The following TPRG1 variants were observed in gnomAD, a reference collection of about 807,000 sequenced individuals.
TPRG1 encodes the protein tumor protein p63-regulated gene 1 protein.
Under a neutral mutation model 29.3 loss-of-function variants are expected in TPRG1, and 29 were observed. The observed-to-expected ratio is 0.99, with a 90% CI of 0.74 to 1.35. The LOEUF is 1.35. Among genes scored for constraint, TPRG1 ranks in the 40% most tolerant of loss-of-function variants. TPRG1 has a pLI of 0.00. For missense variants in TPRG1, 327 were observed against 335.0 expected, an observed-to-expected ratio of 0.98 and a Z score of 0.19; for synonymous variants, 130 against 116.8, an observed-to-expected ratio of 1.11 and a Z score of -0.73.
chr3:189,094,298 G>C (rs563620257), intron 4 of TPRG1, among the ~76,000 whole-genome samples: 1 of 152,118 alleles, frequency 6.6e-6, no homozygotes. Flanking sequence ...AGGAGGCAAC[G>C]TTGCCCCTGG....
chr3:189,068,692 C>G (rs1461465564), intron 4 of TPRG1, among the ~76,000 whole-genome samples: 1 of 152,140 alleles, frequency 6.6e-6, no homozygotes, highest in Non-Finnish European at 1.5e-5. Flanking sequence ...AGGAGAATCG[C>G]TCAAACCTGG....
chr3:189,099,775 G>A (rs1237570472), upstream of TPRG1, among the ~76,000 whole-genome samples: 2 of 152,094 alleles, frequency 1.3e-5, no homozygotes, highest in Non-Finnish European at 1.5e-5. Flanking sequence ...GCTACTACCC[G>A]GGAAAACGAT....
Position 189,026,501 on chromosome 3 carries a change from T to G in TPRG1, c.-463+2555T>G, listed in dbSNP as rs565485843. Among the ~76,000 whole-genome samples the G allele has an allele frequency of 3.2e-4, 48 of 152,284 alleles. 2 individuals are homozygous for G. The highest frequency in any genetic ancestry group is 7.7e-4 in the African/African-American group (32 of 41,558). ...TGATTTTTGCACATTGCTGGGCAGG[T>G]GAGGTTTATACTAGCCCTGGTATTG... On this transcript the variant is annotated intron_variant, in intron 4 of 10. Transcript: ENST00000433971.
intron 4 of TPRG1, among the ~76,000 whole-genome samples, chr3:189,089,635 G>A (rs1440014775): frequency 6.6e-6 from 1 of 152,134 alleles, no homozygotes; most frequent in African/African-American, 2.4e-5. Context: ...GCATCACATG[G>A]TGGGGAGGCT....
chr3:189,140,528 A>G (rs752166387), intron 3 of TPRG1, among the ~76,000 whole-genome samples: 7 of 152,198 alleles, frequency 4.6e-5, no homozygotes, highest in Non-Finnish European at 8.8e-5. Context: ...TGATGCTTAA[A>G]TACCTCCTAC....
intron 1 of TPRG1, among the ~76,000 whole-genome samples, chr3:189,203,403 C>T (rs776519552): frequency 3.3e-5 from 5 of 151,990 alleles, no homozygotes; most frequent in East Asian, 1.9e-4. Flanking sequence ...CAAAAATTGA[C>T]GCACAATCCA....
rs560895346 is a variant in TPRG1, at chr3:189,068,438, A to T, written c.-463+44492A>T. Among the ~76,000 whole-genome samples the T allele has an allele frequency of 3.9e-5, 6 of 152,340 alleles. No individual in the cohort carries two copies. The South Asian group carries it at 1.2e-3, about 32-fold the overall frequency. On this transcript the variant is annotated intron_variant, in intron 4 of 10. Coordinates refer to the TPRG1 transcript ENST00000433971. Reference sequence around the variant, plus strand: ...ATCAACAGATGAATGGATTAAAAAAAGATGGTACATATACACAACAGAGTA... The same window carrying T: ...ATCAACAGATGAATGGATTAAAAAATGATGGTACATATACACAACAGAGTA...
chr3:189,066,849 G>T (rs936361535), intron 4 of TPRG1, among the ~76,000 whole-genome samples: 5 of 151,922 alleles, frequency 3.3e-5, no homozygotes, highest in Non-Finnish European at 5.9e-5. Context: ...AACAGAAAAG[G>T]CATCCAAATT....
Position 189,320,652 on chromosome 3 carries a change from T to C in TPRG1, c.660T>C (p.Val220=). ...TGTCTGGGTTCATGTCTAAGCTTGT[T>C]CCAGCTATCCAGAATGCCCACAAGA... The part of the protein sequence containing the change: ...CKLSGFMSKL[V]PAIQNAHKNS... Residue 220 remains valine (V), a synonymous_variant, in exon 6 of 6, where the codon GTT becomes GTC. Coordinates refer to ENST00000345063, the MANE Select transcript of TPRG1 (RefSeq NM_198485.4). The C allele has an allele frequency of 6.2e-7, 1 of 1,611,092 alleles. No individual in the cohort carries two copies. Among genetic ancestry groups the C allele is most frequent in the Non-Finnish European group, 8.5e-7 (1 of 1,178,682 alleles).
At chr3:189,166,522 C>G (rs1728186412) in intron 5 of TPRG1, among the ~76,000 whole-genome samples, 1 of 152,150 alleles carries the variant, frequency 6.6e-6, no homozygotes. Context: ...TATACTTGAC[C>G]GAGCACACCC....
At chr3:189,217,436 T>C (rs1246504836) in intron 3 of TPRG1, among the ~76,000 whole-genome samples, 1 of 152,210 alleles carries the variant, frequency 6.6e-6, no homozygotes, top group Non-Finnish European at 1.5e-5. Flanking sequence ...CTTACTATCA[T>C]ATTTGCTTGT....
intron 4 of TPRG1, among the ~76,000 whole-genome samples, chr3:189,272,006 G>C (rs10513833): frequency 9.9e-4 from 151 of 152,232 alleles, no homozygotes; most frequent in Middle Eastern, 3.4e-3. Flanking sequence ...TTTCCTATAC[G>C]CGCTGATGCC....
At chr3:189,296,395 A>C (rs1160509833) in intron 4 of TPRG1, among the ~76,000 whole-genome samples, 5 of 152,246 alleles carry the variant, frequency 3.3e-5, no homozygotes, top group African/African-American at 1.2e-4. Flanking sequence ...AATCACCAAC[A>C]CAGCTAATGT....
chr3:189,062,128 C>A (rs750352636), intron 4 of TPRG1, among the ~76,000 whole-genome samples: 11 of 152,152 alleles, frequency 7.2e-5, no homozygotes, highest in Non-Finnish European at 1.3e-4. Flanking sequence ...AAGATCATGT[C>A]TTTTGTGGGA....
At chr3:189,111,113 C>CA (rs202175924) in intron 1 of TPRG1, among the ~76,000 whole-genome samples, 2,580 of 115,964 alleles carry the variant, frequency 0.022, 74 homozygotes, top group African/African-American at 0.14. Flanking sequence ...AAAAAACAAA[C>CA]AAACAAAAAA....
In TPRG1 at chr3:189,324,000, A is replaced by G. The variant is rs1344196906; in HGVS notation, c.*3180A>G. On this transcript the variant is annotated 3_prime_UTR_variant, in exon 6 of 6. Transcript: ENST00000345063. Reference sequence around the variant, plus strand: ...CAAAGCAGATAGATGTTTTAACACAACAGGAGGACTTTTAAACAATCACCA... The same window carrying G: ...CAAAGCAGATAGATGTTTTAACACAGCAGGAGGACTTTTAAACAATCACCA... 6.6e-6 allele frequency: 1 copy of G among 152,136 alleles called. No individual in the cohort carries two copies. The highest frequency in any genetic ancestry group is 1.5e-5 in the Non-Finnish European group (1 of 68,042). The allele number at this position is 152,136 out of a possible 1,614,324, so 9.4% of individuals were successfully genotyped here. A position where few individuals can be genotyped will look rare whatever the true frequency, so the allele number is the denominator to read the frequency against.
intron 1 of TPRG1, among the ~76,000 whole-genome samples, chr3:189,119,063 G>T (rs567823914): frequency 1.2e-4 from 19 of 152,360 alleles, no homozygotes; most frequent in African/African-American, 4.3e-4. Context: ...AGCTGTTAGG[G>T]GGGTTGAGCT....
At chr3:189,258,186 G>A (rs546352154) in intron 4 of TPRG1, among the ~76,000 whole-genome samples, 44 of 151,692 alleles carry the variant, frequency 2.9e-4, no homozygotes, top group Admixed American at 8.5e-4. Context: ...TGGAGTTTTT[G>A]TGTGGTCATC....
chr3:189,183,647 A>T (rs1261621855), intron 1 of TPRG1, among the ~76,000 whole-genome samples: 1 of 152,090 alleles, frequency 6.6e-6, no homozygotes, highest in African/African-American at 2.4e-5. Flanking sequence ...TGCTGAGAAA[A>T]AGAATTTAGT....
Sources: gnomAD v4.1 joint callset for allele counts (sites outside exome capture counted in the v4.1 genomes callset) on GRCh38, gnomAD v4.1.1 for gene constraint, MANE v1.5 for transcripts, NCBI Gene and HGNC (gene_info 2026-07-23, HGNC 2026-07-21) for gene names.